The following ZNF521 variants were observed in gnomAD, a reference collection of about 807,000 sequenced individuals.
ZNF521 encodes zinc finger protein 521.
In ZNF521, 14 loss-of-function variants were observed where a neutral mutation model predicts 105.5. The ratio of observed to expected loss-of-function variants is 0.13; its 90% CI spans 0.09 to 0.21. The LOEUF is 0.21. ZNF521 is among the 10% of genes least tolerant of loss of function. The probability of loss-of-function intolerance (pLI) is 1.00; values close to 1 mark genes in which losing one functional copy is unlikely to be tolerated. For synonymous variants in ZNF521, 635 were observed against 606.0 expected, an observed-to-expected ratio of 1.05 and a Z score of -0.70; for missense variants, 1,233 against 1,629.7, an observed-to-expected ratio of 0.76 and a Z score of 4.19.
At chr18:25,160,815 G>GT (rs1217312975) in intron 5 of ZNF521, among the ~76,000 whole-genome samples, 4 of 152,100 alleles carry the variant, frequency 2.6e-5, no homozygotes, top group African/African-American at 7.2e-5. Context: ...TTAGGGGGAT[G>GT]TGTGTGTGTA....
At chr18:25,306,225 A>AT (rs201294507) in intron 3 of ZNF521, among the ~76,000 whole-genome samples, 14 of 152,236 alleles carry the variant, frequency 9.2e-5, no homozygotes, top group South Asian at 2.1e-4. Flanking sequence ...GATTACATTG[A>AT]TTTTTTTTAA....
At chr18:25,185,183 G>A (rs1449623458) in intron 5 of ZNF521, among the ~76,000 whole-genome samples, 1 of 152,100 alleles carries the variant, frequency 6.6e-6, no homozygotes, top group Non-Finnish European at 1.5e-5. Flanking sequence ...GGCAATAGTT[G>A]ACCATTTTGA....
At chr18:25,190,916 C>T (rs924805582) in intron 5 of ZNF521, among the ~76,000 whole-genome samples, 1 of 151,970 alleles carries the variant, frequency 6.6e-6, no homozygotes, top group African/African-American at 2.4e-5. Flanking sequence ...TATAAAATAC[C>T]GAGTATTTAT....
chr18:25,265,482 C>G (rs528086054), intron 3 of ZNF521, among the ~76,000 whole-genome samples: 18 of 152,250 alleles, frequency 1.2e-4, no homozygotes, highest in African/African-American at 3.9e-4. Flanking sequence ...AGATCTCCCT[C>G]TAAGAGACTC....
chr18:25,223,210 T>C (rs1026812132), intron 4 of ZNF521, among the ~76,000 whole-genome samples: 4 of 152,214 alleles, frequency 2.6e-5, no homozygotes, highest in African/African-American at 9.6e-5. Context: ...TGAAAGGATT[T>C]CATGTATTTA....
intron 2 of ZNF521, among the ~76,000 whole-genome samples, chr18:25,349,412 C>G (rs1914603846): frequency 1.3e-5 from 2 of 152,238 alleles, no homozygotes; most frequent in South Asian, 4.1e-4. Flanking sequence ...ACCAGACACA[C>G]TGTGTGGAGA....
chr18:25,221,336 A>G (rs1023498266), intron 4 of ZNF521, among the ~76,000 whole-genome samples: 2 of 152,108 alleles, frequency 1.3e-5, no homozygotes, highest in Non-Finnish European at 2.9e-5. Flanking sequence ...TATAGTACTT[A>G]TCCTCCCCAG....
chr18:25,127,740 T>C (rs573096894), intron 5 of ZNF521, among the ~76,000 whole-genome samples: 1 of 152,142 alleles, frequency 6.6e-6, no homozygotes, highest in South Asian at 2.1e-4. Flanking sequence ...GACTGTTTTA[T>C]AGTCATGTTT....
chr18:25,133,065 T>C (rs2034670097), intron 5 of ZNF521, among the ~76,000 whole-genome samples: 1 of 152,194 alleles, frequency 6.6e-6, no homozygotes, highest in South Asian at 2.1e-4. Flanking sequence ...GTCAGTGATA[T>C]CACATTATCT....
chr18:25,189,517 G>A (rs921263720), intron 5 of ZNF521, among the ~76,000 whole-genome samples: 3 of 152,104 alleles, frequency 2.0e-5, no homozygotes, highest in South Asian at 2.1e-4. Context: ...GCAAATGTGC[G>A]GTTCTCAAAC....
intron 3 of ZNF521, among the ~76,000 whole-genome samples, chr18:25,303,742 C>A (rs1372019443): frequency 6.6e-6 from 1 of 152,130 alleles, no homozygotes; most frequent in Non-Finnish European, 1.5e-5. Flanking sequence ...GGGGCCCAAA[C>A]TCACACTTGG....
chr18:25,303,030 A>C (rs1334528952), intron 3 of ZNF521: 1 of 152,200 alleles, frequency 6.6e-6, no homozygotes, highest in Non-Finnish European at 1.5e-5. Flanking sequence ...AAAGGGAATC[A>C]ACTCAGGCAG....
intron 3 of ZNF521, among the ~76,000 whole-genome samples, chr18:25,249,705 G>A (rs1268392404): frequency 2.6e-5 from 4 of 151,948 alleles, no homozygotes; most frequent in South Asian, 4.2e-4. Flanking sequence ...CAAGTGATCT[G>A]CTCACCTCAC....
chr18:25,340,063 G>T (rs142666161), intron 2 of ZNF521, among the ~76,000 whole-genome samples: 1 of 152,108 alleles, frequency 6.6e-6, no homozygotes, highest in Non-Finnish European at 1.5e-5. Flanking sequence ...TGTCTTTAAA[G>T]CAACACACTT....
At chr18:25,331,334 C>T (rs1568082731) in intron 2 of ZNF521, among the ~76,000 whole-genome samples, 1 of 151,618 alleles carries the variant, frequency 6.6e-6, no homozygotes, top group Non-Finnish European at 1.5e-5. Context: ...AAAAAATCCA[C>T]TCTGGAGGAA....
At chr18:25,068,158 A>C (rs1457439150) in intron 7 of ZNF521, among the ~76,000 whole-genome samples, 1 of 152,248 alleles carries the variant, frequency 6.6e-6, no homozygotes, top group East Asian at 1.9e-4. Context: ...ATGAAATAGT[A>C]GGCAATTGTG....
chr18:25,300,043 T>C (rs558866935), intron 3 of ZNF521, among the ~76,000 whole-genome samples: 1 of 152,210 alleles, frequency 6.6e-6, no homozygotes, highest in African/African-American at 2.4e-5. Context: ...CTGTTATTTC[T>C]AAGCTTGGGC....
chr18:25,271,519 A>G (rs1363387999), intron 3 of ZNF521, among the ~76,000 whole-genome samples: 1 of 152,186 alleles, frequency 6.6e-6, no homozygotes, highest in Non-Finnish European at 1.5e-5. Flanking sequence ...TTCAAACTAT[A>G]CTACAAGGCT....
intron 2 of ZNF521, among the ~76,000 whole-genome samples, chr18:25,326,642 A>AG (rs1450262539): frequency 6.6e-6 from 1 of 152,228 alleles, no homozygotes; most frequent in Non-Finnish European, 1.5e-5. Flanking sequence ...TACACAGTGC[A>AG]GGCCCTCTGT....
Sources: allele counts gnomAD v4.1 joint callset (sites outside exome capture counted in the v4.1 genomes callset), GRCh38; gene constraint gnomAD v4.1.1; transcripts MANE v1.5; gene names NCBI Gene and HGNC (gene_info 2026-07-23, HGNC 2026-07-21).